Variants in NR6A1 observed in about 807,000 individuals in gnomAD.
The protein encoded by NR6A1 is nuclear receptor subfamily 6 group A member 1, also known as retinoic acid receptor-related testis-associated receptor.
Under a neutral mutation model 59.1 loss-of-function variants are expected in NR6A1, and 7 were observed. That is an observed-to-expected ratio of 0.12 (90% CI 0.07 to 0.22). The LOEUF (loss-of-function observed/expected upper bound fraction) is 0.22, where lower values mean the gene tolerates loss of function less well. Among genes scored for constraint, NR6A1 ranks in the 10% least tolerant of loss-of-function variants. The probability of loss-of-function intolerance (pLI) is 1.00; values close to 1 mark genes in which losing one functional copy is unlikely to be tolerated. For missense variants in NR6A1, 468 were observed against 611.6 expected (o/e 0.77, Z 2.48); for synonymous variants, 243 against 236.1 (o/e 1.03, Z -0.27).
At chr9:124,724,025 A>C (rs529642096) in intron 2 of NR6A1, among the ~76,000 whole-genome samples, 10 of 152,332 alleles carry the variant, frequency 6.6e-5, no homozygotes, top group Admixed American at 5.9e-4. Context: ...TGAAAATCTA[A>C]ATGCTCAACA....
rs2131213202 is a variant in NR6A1, at chr9:124,768,243, G to C, written c.100+2777C>G. On this transcript the variant is annotated intron_variant, in intron 1 of 9. Coordinates refer to ENST00000487099, the MANE Select transcript of NR6A1 (RefSeq NM_033334.4). The stretch of plus-strand genomic sequence containing the variant: ...CCCCCTATCTGTATAGTTGTCTCTT[G>C]AAAATAGTTCATATAAAATAGAAAT... Among the ~76,000 whole-genome samples the C allele has an allele frequency of 2.0e-5, 3 of 152,240 alleles. No homozygotes were observed. The South Asian group carries it at 6.2e-4, about 32-fold the overall frequency.
intron 1 of NR6A1, among the ~76,000 whole-genome samples, chr9:124,746,034 A>G (rs549525860): frequency 6.6e-6 from 1 of 151,886 alleles, no homozygotes; most frequent in East Asian, 1.9e-4. Flanking sequence ...TGATTTGGCT[A>G]AACTGTCTAC....
At chr9:124,638,130 C>T (rs1836668822) in intron 2 of NR6A1, among the ~76,000 whole-genome samples, 1 of 151,664 alleles carries the variant, frequency 6.6e-6, no homozygotes, top group Non-Finnish European at 1.5e-5. Flanking sequence ...GGCTTGTGTA[C>T]CTGTAGTCCT....
chr9:124,537,307 TG>T (rs1343374357), intron 6 of NR6A1, among the ~76,000 whole-genome samples: 1 of 152,182 alleles, frequency 6.6e-6, no homozygotes, highest in Non-Finnish European at 1.5e-5. Context: ...CCAGCTCGTC[TG>T]GAACTCGTGA....
chr9:124,594,610 G>T lies in NR6A1; in HGVS notation c.143-40040C>A, dbSNP rs60039971. 6.5e-3 allele frequency among the ~76,000 whole-genome samples: 992 copies of T among 152,284 alleles called. 16 individuals are homozygous for T. Among genetic ancestry groups the T allele is most frequent in the East Asian group, 0.037 (193 of 5,188 alleles). On this transcript the variant is annotated intron_variant, in intron 2 of 9. Transcript: ENST00000487099. The stretch of plus-strand genomic sequence containing the variant: ...CATACTGGGGGAGGAGGCTGTTCAA[G>T]ATAAATAACAGGCCTTATATATAAC...
At chr9:124,553,549 C>CT (rs780925768) in intron 3 of NR6A1, among the ~76,000 whole-genome samples, 3,074 of 47,054 alleles carry the variant, frequency 0.065, 58 homozygotes, top group Non-Finnish European at 0.089. Context: ...TTTAGCTTGA[C>CT]TTTTTTTTTT....
In NR6A1 at chr9:124,736,101, C is replaced by G. The variant is rs796819311; in HGVS notation, c.101-2752G>C. Among the ~76,000 whole-genome samples, 10 of 152,252 alleles carry G rather than the reference C, an allele frequency of 6.6e-5. No individual in the cohort carries two copies. The South Asian group carries it at 1.0e-3, about 16-fold the overall frequency. On this transcript the variant is annotated intron_variant, in intron 1 of 9. Coordinates refer to ENST00000487099, the MANE Select transcript of NR6A1 (RefSeq NM_033334.4). ...AGCATTCACTTCATGTAAATTGACT[C>G]AAAAACGGGACAAAAGTACAGGAAA...
chr9:124,670,696 T>C (rs920434458), intron 2 of NR6A1, among the ~76,000 whole-genome samples: 1 of 151,948 alleles, frequency 6.6e-6, no homozygotes, highest in African/African-American at 2.4e-5. Flanking sequence ...TTAAGAGCAG[T>C]GAGGAAAAGA....
At chr9:124,731,030 G>C (rs542488462) in intron 2 of NR6A1, among the ~76,000 whole-genome samples, 2 of 152,070 alleles carry the variant, frequency 1.3e-5, no homozygotes, top group Admixed American at 1.3e-4. Context: ...TTGTCTGAAA[G>C]GTTACAGGGC....
intron 2 of NR6A1, among the ~76,000 whole-genome samples, chr9:124,657,103 T>C (rs1837281629): frequency 6.6e-6 from 1 of 152,156 alleles, no homozygotes; most frequent in African/African-American, 2.4e-5. Context: ...AAAAAAAGAT[T>C]GTCTTGTGGC....
chr9:124,738,228 T>C (rs1452623895), intron 1 of NR6A1, among the ~76,000 whole-genome samples: 1 of 152,094 alleles, frequency 6.6e-6, no homozygotes, highest in Non-Finnish European at 1.5e-5. Flanking sequence ...TACTCCAGCC[T>C]GGGCAACAGA....
chr9:124,554,514 C>T lies in NR6A1; in HGVS notation c.199G>A (p.Ala67Thr), dbSNP rs1037057340. ...QRTCLICGDR[A>T]TGLHYGIISC... ...ATGATCCCATAGTGCAAGCCTGTAG[C>T]GCGGTCCCCACAAATGAGACAGGTT... Residue 67 changes from alanine to threonine, a missense_variant, in exon 3 of 10, where the codon GCT becomes ACT. Ala to Thr is a moderately conservative substitution (Grantham distance 58, BLOSUM62 0). Transcript: ENST00000487099. The T allele has an allele frequency of 5.6e-6, 9 of 1,614,194 alleles. No homozygotes were observed. Among genetic ancestry groups the T allele is most frequent in the Non-Finnish European group, 6.8e-6 (8 of 1,180,038 alleles).
intron 1 of NR6A1, among the ~76,000 whole-genome samples, chr9:124,737,887 G>GGC (rs1278428753): frequency 3.3e-5 from 5 of 151,394 alleles, no homozygotes; most frequent in Non-Finnish European, 7.4e-5. Flanking sequence ...AAAGAGGCTG[G>GGC]GCGCGGTGGA....
At chr9:124,595,018 T>C (rs746077569) in intron 2 of NR6A1, among the ~76,000 whole-genome samples, 65 of 152,240 alleles carry the variant, frequency 4.3e-4, no homozygotes, top group Non-Finnish European at 2.8e-4. Flanking sequence ...TTCATAAACA[T>C]GGCAAAACTT....
intron 2 of NR6A1, among the ~76,000 whole-genome samples, chr9:124,613,240 C>T (rs539602142): frequency 2.6e-5 from 4 of 152,122 alleles, no homozygotes; most frequent in South Asian, 4.1e-4. Context: ...GGAGCTGACA[C>T]GGAAGGACCA....
intron 2 of NR6A1, among the ~76,000 whole-genome samples, chr9:124,556,610 G>A (rs1409704500): frequency 6.6e-6 from 1 of 151,974 alleles, no homozygotes; most frequent in African/African-American, 2.4e-5. Flanking sequence ...ACAGGTGCCT[G>A]CCACCATGCC....
intron 1 of NR6A1, among the ~76,000 whole-genome samples, chr9:124,765,296 C>G (rs906113393): frequency 1.3e-5 from 2 of 152,152 alleles, no homozygotes; most frequent in Non-Finnish European, 2.9e-5. Context: ...ACTTGAAGCC[C>G]TCCTGTGAAT....
At chr9:124,555,462 G>A (rs1005939811) in intron 2 of NR6A1, among the ~76,000 whole-genome samples, 15 of 152,136 alleles carry the variant, frequency 9.9e-5, no homozygotes, top group African/African-American at 2.9e-4. Context: ...CAAGAACATC[G>A]TTATAGAGCC....
intron 2 of NR6A1, among the ~76,000 whole-genome samples, chr9:124,688,837 G>T (rs1317255574): frequency 2.0e-5 from 3 of 152,320 alleles, no homozygotes; most frequent in South Asian, 4.1e-4. Context: ...TTTAGGGAGA[G>T]AATCCATAGC....
Sources: allele counts gnomAD v4.1 joint callset (sites outside exome capture counted in the v4.1 genomes callset), GRCh38; gene constraint gnomAD v4.1.1; transcripts MANE v1.5; gene names NCBI Gene and HGNC (gene_info 2026-07-23, HGNC 2026-07-21).